CDC42SE2: variants seen among roughly 807,000 people sequenced by gnomAD.
The protein encoded by CDC42SE2 is CDC42 small effector 2.
A neutral mutation model predicts 11.5 loss-of-function variants in CDC42SE2; 3 were observed. That is an observed-to-expected ratio of 0.26 (90% CI 0.12 to 0.67). The LOEUF (loss-of-function observed/expected upper bound fraction) is 0.67, where lower values mean the gene tolerates loss of function less well. Ranked by LOEUF, CDC42SE2 falls within the 30% of genes least tolerant of loss-of-function variation. The pLI is 0.80. For synonymous variants in CDC42SE2, 33 were observed against 34.8 expected, an observed-to-expected ratio of 0.95 and a Z score of 0.18; for missense variants, 82 against 106.8, an observed-to-expected ratio of 0.77 and a Z score of 1.02.
chr5:131,323,605 C>G (rs1256942715), intron 2 of CDC42SE2, among the ~76,000 whole-genome samples: 3 of 119,302 alleles, frequency 2.5e-5, no homozygotes, highest in African/African-American at 3.2e-5. Flanking sequence ...AGGGAACAGA[C>G]TAGGATATGT....
intron 2 of CDC42SE2, among the ~76,000 whole-genome samples, chr5:131,321,102 A>G (rs1758177699): frequency 6.6e-6 from 1 of 152,222 alleles, no homozygotes; most frequent in Non-Finnish European, 1.5e-5. Context: ...AACATCTGCC[A>G]AATTTAAAAT....
At chr5:131,300,706 C>T (rs1462772057) in intron 1 of CDC42SE2, among the ~76,000 whole-genome samples, 1 of 151,348 alleles carries the variant, frequency 6.6e-6, no homozygotes, top group South Asian at 2.1e-4. Flanking sequence ...TGGCGTGAAC[C>T]TGGGAGGTGG....
At chr5:131,298,494 A>G (rs764564047) in intron 1 of CDC42SE2, among the ~76,000 whole-genome samples, 12 of 151,466 alleles carry the variant, frequency 7.9e-5, no homozygotes, top group Non-Finnish European at 1.6e-4. Context: ...ATTATTTAGT[A>G]TGACGTCACA....
intron 3 of CDC42SE2, among the ~76,000 whole-genome samples, chr5:131,381,816 A>G (rs1000844047): frequency 2.0e-5 from 3 of 152,232 alleles, no homozygotes; most frequent in African/African-American, 7.2e-5. Flanking sequence ...CTCTGCTTTA[A>G]AACACTTTCA....
intron 2 of CDC42SE2, among the ~76,000 whole-genome samples, chr5:131,353,806 G>A (rs112776340): frequency 1.6e-3 from 250 of 152,212 alleles, no homozygotes; most frequent in African/African-American, 5.7e-3. Context: ...CATGTACTCA[G>A]GAGGCTGAGG....
chr5:131,266,462 T>A, intron 1 of CDC42SE2, among the ~76,000 whole-genome samples: 1 of 137,376 alleles, frequency 7.3e-6, no homozygotes. Context: ...TTTTTTTTCT[T>A]TTTTTTTTTT....
chr5:131,260,376 G>A (rs921715713), upstream of CDC42SE2, among the ~76,000 whole-genome samples: 2 of 151,976 alleles, frequency 1.3e-5, no homozygotes, highest in African/African-American at 4.8e-5. Context: ...TAATCCCAGC[G>A]CTTTGGGAGG....
At chr5:131,353,836 T>A (rs139164278) in intron 2 of CDC42SE2, among the ~76,000 whole-genome samples, 1 of 151,874 alleles carries the variant, frequency 6.6e-6, no homozygotes, top group East Asian at 1.9e-4. Context: ...TGTTTGAACC[T>A]GGGAGGCTGA....
At chr5:131,219,921 A>T in the CDC42SE2 span, among the ~76,000 whole-genome samples, 1 of 152,288 alleles carries the variant, frequency 6.6e-6, no homozygotes, top group Non-Finnish European at 1.5e-5. Flanking sequence ...TGGGCAACAG[A>T]GCAAGAACCT....
In CDC42SE2 at chr5:131,359,223, T is replaced by C; in HGVS notation, c.-271T>C. ...TTTTTCCCTAGACTATCTGTTATAG[T>C]CCCTGGGTCAAGACAACAATTTTTA... On this transcript the variant is annotated 5_prime_UTR_variant, in exon 3 of 5. Coordinates refer to ENST00000505065, the MANE Select transcript of CDC42SE2 (RefSeq NM_001375635.1). The C allele has an allele frequency of 2.1e-6, 1 of 472,216 alleles. No homozygotes were observed. 29.3% of individuals were successfully genotyped at this position (472,216 alleles called of 1,614,324 possible).
chr5:131,215,397 C>T, the CDC42SE2 span, among the ~76,000 whole-genome samples: 2 of 152,180 alleles, frequency 1.3e-5, no homozygotes, highest in African/African-American at 4.8e-5. Context: ...AAGAATAAAC[C>T]TGTGTCTTGT....
At chr5:131,383,722 T>C (rs1241697771) in intron 3 of CDC42SE2, among the ~76,000 whole-genome samples, 1 of 152,200 alleles carries the variant, frequency 6.6e-6, no homozygotes, top group Admixed American at 6.5e-5. Context: ...AAATAAATTT[T>C]TACCATAACA....
chr5:131,323,555 T>G (rs951731925), intron 2 of CDC42SE2, among the ~76,000 whole-genome samples: 18 of 136,882 alleles, frequency 1.3e-4, no homozygotes, highest in African/African-American at 5.0e-4. Context: ...TGGTTTTTTT[T>G]TTTTTTTTTT....
chr5:131,253,486 C>T (rs1023523985), intron 1 of CDC42SE2, among the ~76,000 whole-genome samples: 2 of 152,180 alleles, frequency 1.3e-5, no homozygotes, highest in Non-Finnish European at 2.9e-5. Context: ...TCTTACAGGC[C>T]TGGCACAGTG....
intron 3 of CDC42SE2, among the ~76,000 whole-genome samples, chr5:131,379,398 T>C (rs771104418): frequency 2.0e-5 from 3 of 152,200 alleles, no homozygotes; most frequent in Admixed American, 6.5e-5. Context: ...GTTTTAACTT[T>C]TAAGTGATGA....
intron 1 of CDC42SE2, among the ~76,000 whole-genome samples, chr5:131,307,590 GA>G (rs1221253289): frequency 6.6e-6 from 1 of 152,184 alleles, no homozygotes; most frequent in Non-Finnish European, 1.5e-5. Context: ...CCAGTAATGG[GA>G]CGGCTGGGTC....
At chr5:131,349,152 A>G (rs962353304) in intron 2 of CDC42SE2, among the ~76,000 whole-genome samples, 5 of 152,098 alleles carry the variant, frequency 3.3e-5, no homozygotes, top group African/African-American at 1.2e-4. Flanking sequence ...GATCTAATCT[A>G]ACTTTGCAGC....
the CDC42SE2 span, among the ~76,000 whole-genome samples, chr5:131,227,995 G>A: frequency 6.6e-6 from 1 of 152,204 alleles, no homozygotes; most frequent in African/African-American, 2.4e-5. Flanking sequence ...AGAGACCAGC[G>A]TGGCCCTGTC....
chr5:131,330,646 G>A (rs1006639693), intron 2 of CDC42SE2, among the ~76,000 whole-genome samples: 1 of 152,062 alleles, frequency 6.6e-6, no homozygotes, highest in Non-Finnish European at 1.5e-5. Context: ...GGTACTGTTC[G>A]TGTCTAGTGG....
Sources: allele counts gnomAD v4.1 joint callset (sites outside exome capture counted in the v4.1 genomes callset), GRCh38; gene constraint gnomAD v4.1.1; transcripts MANE v1.5; gene names NCBI Gene and HGNC (gene_info 2026-07-23, HGNC 2026-07-21).